The following LUC7L2 variants were observed in gnomAD, a reference collection of about 807,000 sequenced individuals.
LUC7L2 encodes the protein putative RNA-binding protein Luc7-like 2.
A neutral mutation model predicts 52.8 loss-of-function variants in LUC7L2; 25 were observed. That is an observed-to-expected ratio of 0.47 (90% CI 0.34 to 0.66). The LOEUF (loss-of-function observed/expected upper bound fraction) is 0.66, where lower values mean the gene tolerates loss of function less well. Among genes scored for constraint, LUC7L2 ranks in the 30% least tolerant of loss-of-function variants. The probability of loss-of-function intolerance (pLI) is 0.01; values close to 1 mark genes in which losing one functional copy is unlikely to be tolerated. For missense variants in LUC7L2, 328 were observed against 497.8 expected, an observed-to-expected ratio of 0.66 and a Z score of 3.25; for synonymous variants, 144 against 160.9, an observed-to-expected ratio of 0.89 and a Z score of 0.80.
At chr7:139,406,691 G>A (rs970898418) in intron 5 of LUC7L2, among the ~76,000 whole-genome samples, 1 of 151,948 alleles carries the variant, frequency 6.6e-6, no homozygotes, top group African/African-American at 2.4e-5. Context: ...AATACTTTTG[G>A]TAAATTTGTC....
At chr7:139,369,235 G>A (rs1461595951) in intron 1 of LUC7L2, among the ~76,000 whole-genome samples, 2 of 152,154 alleles carry the variant, frequency 1.3e-5, no homozygotes, top group Non-Finnish European at 2.9e-5. Flanking sequence ...TACTATGTCA[G>A]AATTACAGCT....
intron 4 of LUC7L2, among the ~76,000 whole-genome samples, chr7:139,403,765 T>C (rs1027970157): frequency 5.3e-5 from 8 of 152,244 alleles, no homozygotes; most frequent in Admixed American, 1.3e-4. Context: ...TGAGCAGTTA[T>C]TCTTGTTTCA....
chr7:139,381,811 G>C (rs1011107843), intron 2 of LUC7L2, among the ~76,000 whole-genome samples: 64 of 151,240 alleles, frequency 4.2e-4, no homozygotes, highest in Non-Finnish European at 5.9e-4. Flanking sequence ...GCTGACCTCA[G>C]GTGATCTGCC....
At chr7:139,371,545 AGGGTGGGTAGTACTGGGGGGAGG>A in intron 1 of LUC7L2, 3 of 509,334 alleles carry the variant, frequency 5.9e-6, no homozygotes, top group Non-Finnish European at 1.1e-5. Flanking sequence ...TGGGAGGGAG[AGGGTGGGTAGTACTGGGGGGAGG>A]GGGCGGATAT....
intron 1 of LUC7L2, among the ~76,000 whole-genome samples, chr7:139,351,575 T>C (rs1799459994): frequency 6.6e-6 from 1 of 152,252 alleles, no homozygotes; most frequent in Non-Finnish European, 1.5e-5. Context: ...CTTGTCATTC[T>C]ACTCAGAACC....
At chr7:139,385,390 G>A (rs754988350) in intron 2 of LUC7L2, among the ~76,000 whole-genome samples, 6 of 141,384 alleles carry the variant, frequency 4.2e-5, no homozygotes, top group Non-Finnish European at 6.0e-5. Flanking sequence ...TGGTATAATC[G>A]TAGCCAGTGC....
At chr7:139,413,543 C>T (rs1435677469) in intron 8 of LUC7L2, among the ~76,000 whole-genome samples, 6 of 152,120 alleles carry the variant, frequency 3.9e-5, no homozygotes, top group African/African-American at 9.7e-5. Flanking sequence ...TTTGGGAGGC[C>T]GAGGCAGCCA....
At chr7:139,350,030 G>C (rs73154128) in intron 1 of LUC7L2, among the ~76,000 whole-genome samples, 2,462 of 152,212 alleles carry the variant, frequency 0.016, 27 homozygotes, top group South Asian at 0.051. Flanking sequence ...CTATAGATTT[G>C]GCTTTTCCAG....
At chr7:139,385,609 C>G (rs1231422923) in intron 2 of LUC7L2, among the ~76,000 whole-genome samples, 1 of 152,132 alleles carries the variant, frequency 6.6e-6, no homozygotes, top group Non-Finnish European at 1.5e-5. Flanking sequence ...AGGTGAACAA[C>G]TGTACCCAGC....
intron 1 of LUC7L2, chr7:139,374,405 A>G: frequency 6.4e-7 from 1 of 1,550,646 alleles, no homozygotes; most frequent in Non-Finnish European, 8.7e-7. Flanking sequence ...GTAAAGGTTC[A>G]ATGTATCTAT....
intron 4 of LUC7L2, 73 bp downstream of exon 4, chr7:139,402,320 TA>T: frequency 1.4e-6 from 2 of 1,387,832 alleles, no homozygotes; most frequent in Non-Finnish European, 1.9e-6. Context: ...TATTTTGAAA[TA>T]ATTAGATTTG....
At chr7:139,340,954 A>C (rs1477952070) in intron 1 of LUC7L2, among the ~76,000 whole-genome samples, 2 of 151,750 alleles carry the variant, frequency 1.3e-5, no homozygotes, top group African/African-American at 2.4e-5. Context: ...ATTTGGGGAG[A>C]CGTCAATACG....
chr7:139,377,924 TC>T lies in LUC7L2; in HGVS notation c.156+1769del, dbSNP rs200348249. Among the ~76,000 whole-genome samples, 1,416 of 150,954 alleles carry T rather than the reference TC, an allele frequency of 9.4e-3. 26 individuals carry two copies. The highest frequency in any genetic ancestry group is 0.032 in the African/African-American group (1,320 of 40,906). On this transcript the variant is annotated intron_variant, in intron 2 of 9. Transcript: ENST00000354926. ...CCTCCACCTCCCGGGCTCAAGAGTT[TC>T]TCCCACCTCAACCTCCCAAGTAGGT...
chr7:139,389,172 T>C (rs534343763), intron 2 of LUC7L2, among the ~76,000 whole-genome samples: 1 of 152,264 alleles, frequency 6.6e-6, no homozygotes, highest in East Asian at 1.9e-4. Flanking sequence ...TTTCTTGCCC[T>C]TTGTCTCTTT....
chr7:139,345,412 C>G lies in LUC7L2; in HGVS notation c.-26+4895C>G, dbSNP rs564401009. The G allele has an allele frequency of 1.8e-5, 27 of 1,537,536 alleles. No homozygotes were observed. The South Asian group carries it at 3.1e-4, about 18-fold the overall frequency. On this transcript the variant is annotated intron_variant, in intron 1 of 10. Coordinates refer to the LUC7L2 transcript ENST00000541170. ...GTATTTCCTCTGTGCAATTTACTTT[C>G]ACTCTAGTGAATGCTTATTTATTAA...
At chr7:139,419,464 G>T (rs1314392669) in intron 9 of LUC7L2, among the ~76,000 whole-genome samples, 2 of 152,180 alleles carry the variant, frequency 1.3e-5, no homozygotes, top group Admixed American at 6.5e-5. Context: ...GATTTTGGGG[G>T]TCTACCCTCA....
At chr7:139,375,827 C>G (rs1800677598) in intron 1 of LUC7L2, 2 of 416,278 alleles carry the variant, frequency 4.8e-6, no homozygotes, top group African/African-American at 4.1e-5. Context: ...CTCTATTTAA[C>G]AGAATGCATT....
chr7:139,406,679 A>T (rs1795129003), intron 5 of LUC7L2, among the ~76,000 whole-genome samples: 1 of 152,006 alleles, frequency 6.6e-6, no homozygotes, highest in Non-Finnish European at 1.5e-5. Context: ...GTTGTTTTTT[A>T]AAATACTTTT....
chr7:139,389,074 G>A (rs541563336), intron 2 of LUC7L2, among the ~76,000 whole-genome samples: 16 of 145,624 alleles, frequency 1.1e-4, no homozygotes, highest in East Asian at 2.0e-4. Context: ...TTAATTCTTC[G>A]GCACTCTGGT....
Sources: allele counts gnomAD v4.1 joint callset (sites outside exome capture counted in the v4.1 genomes callset), GRCh38; gene constraint gnomAD v4.1.1; transcripts MANE v1.5; gene names NCBI Gene and HGNC (gene_info 2026-07-23, HGNC 2026-07-21).